The following DGKI variants were observed in gnomAD, a reference collection of about 807,000 sequenced individuals.
The protein encoded by DGKI is DAG kinase iota.
A neutral mutation model predicts 147.5 loss-of-function variants in DGKI; 55 were observed. That is an observed-to-expected ratio of 0.37 (90% CI 0.30 to 0.47). The LOEUF (loss-of-function observed/expected upper bound fraction) is 0.47, where lower values mean the gene tolerates loss of function less well. Ranked by LOEUF, DGKI falls within the 20% of genes least tolerant of loss-of-function variation. The pLI, the probability that DGKI is intolerant of heterozygous loss-of-function variation, is 1.00. For synonymous variants in DGKI, 469 were observed against 477.1 expected, an observed-to-expected ratio of 0.98 and a Z score of 0.22; for missense variants, 1,007 against 1,323.8, an observed-to-expected ratio of 0.76 and a Z score of 3.71.
chr7:137,427,318 C>T lies in DGKI; in HGVS notation c.2762-15111G>A, dbSNP rs560877867. Among the ~76,000 whole-genome samples, 670 of 152,106 alleles carry T rather than the reference C, an allele frequency of 4.4e-3. 4 individuals are homozygous for T. The highest frequency in any genetic ancestry group is 0.015 in the African/African-American group (616 of 41,492). On this transcript the variant is annotated intron_variant, in intron 28 of 32. Transcript: ENST00000614521. ...AATGACTACTGGGTACATAAGGAAA[C>T]GAAGGCAGAAATAAAGATGTTCTAT...
chr7:137,686,183 G>A (rs1823408613), intron 2 of DGKI, among the ~76,000 whole-genome samples: 1 of 152,228 alleles, frequency 6.6e-6, no homozygotes, highest in Admixed American at 6.5e-5. Context: ...ACTACCAACA[G>A]AGAGGTGTTG....
At chr7:137,635,502 C>T (rs1023029987) in intron 6 of DGKI, among the ~76,000 whole-genome samples, 8 of 152,148 alleles carry the variant, frequency 5.3e-5, no homozygotes, top group East Asian at 3.9e-4. Context: ...CAAGGGCTTA[C>T]GAAATGTGTG....
chr7:137,406,897 C>A (rs1585083372), intron 30 of DGKI, among the ~76,000 whole-genome samples: 1 of 73,812 alleles, frequency 1.4e-5, no homozygotes, highest in African/African-American at 5.4e-5. Flanking sequence ...ATGAATGAAT[C>A]AATGAATGGA....
At chr7:137,403,394 T>A (rs1811835633) in intron 30 of DGKI, among the ~76,000 whole-genome samples, 1 of 152,146 alleles carries the variant, frequency 6.6e-6, no homozygotes, top group Admixed American at 6.5e-5. Context: ...CCAGCCTGCT[T>A]TAAAAGAGCC....
At chr7:137,487,710 A>G in intron 21 of DGKI, 21 bp from the exon 22 acceptor site, 3 of 1,600,448 alleles carry the variant, frequency 1.9e-6, no homozygotes, top group Non-Finnish European at 2.6e-6. Flanking sequence ...AGGAAGAAGA[A>G]AAATCTAAAA....
intron 21 of DGKI, among the ~76,000 whole-genome samples, chr7:137,505,709 T>C (rs916055035): frequency 1.9e-5 from 2 of 102,682 alleles, no homozygotes; most frequent in African/African-American, 8.3e-5. Context: ...CCATAAGAGA[T>C]GCAAAAAAAA....
At chr7:137,438,305 G>GAAGAGTAAACACAAACATAGAAGAGTAAA (rs1813360445) in intron 28 of DGKI, among the ~76,000 whole-genome samples, 1 of 151,952 alleles carries the variant, frequency 6.6e-6, no homozygotes, top group African/African-American at 2.4e-5. Flanking sequence ...AAACACAAAT[G>GAAGAGTAAACACAAACATAGAAGAGTAAA]GCCCATAAGT....
At chr7:137,614,770 A>T (rs555811337) in intron 8 of DGKI, among the ~76,000 whole-genome samples, 1 of 152,260 alleles carries the variant, frequency 6.6e-6, no homozygotes, top group South Asian at 2.1e-4. Flanking sequence ...TATGCGGTTT[A>T]ATTCCAACTC....
chr7:137,732,092 G>A (rs940243584), intron 1 of DGKI, among the ~76,000 whole-genome samples: 6 of 152,056 alleles, frequency 3.9e-5, no homozygotes, highest in Admixed American at 3.3e-4. Context: ...CTTTGCCTAT[G>A]TGGCAATAGC....
At chr7:137,555,804 T>C (rs2692002) in intron 19 of DGKI, among the ~76,000 whole-genome samples, 16,624 of 152,152 alleles carry the variant, frequency 0.11, 2,049 homozygotes, top group African/African-American at 0.3. Flanking sequence ...AGATGTTTTA[T>C]AAGTCCGTCC....
At chr7:137,646,160 TA>T (rs1189253883) in intron 5 of DGKI, among the ~76,000 whole-genome samples, 2 of 152,216 alleles carry the variant, frequency 1.3e-5, no homozygotes, top group Non-Finnish European at 2.9e-5. Flanking sequence ...AATAGGTATG[TA>T]GTGCTTTATC....
intron 1 of DGKI, among the ~76,000 whole-genome samples, chr7:137,783,323 G>A (rs551510518): frequency 6.6e-6 from 1 of 152,214 alleles, no homozygotes; most frequent in Admixed American, 6.5e-5. Flanking sequence ...ACACAGAAAT[G>A]CAAAATGCAC....
Position 137,420,559 on chromosome 7 carries a change from G to A in DGKI, c.2762-8352C>T, listed in dbSNP as rs554657020. 3.9e-5 allele frequency among the ~76,000 whole-genome samples: 6 copies of A among 151,952 alleles called. No individual in the cohort carries two copies. In the South Asian group the frequency reaches 1.3e-3, roughly 32 times the overall value. On this transcript the variant is annotated intron_variant, in intron 28 of 32. Coordinates refer to ENST00000614521, the MANE Select transcript of DGKI (RefSeq NM_001321708.2). ...CAATGTCATCTGGTTTATGTCATGA[G>A]TATCTTGGCCTAAAAATTAAAAAGG...
intron 28 of DGKI, among the ~76,000 whole-genome samples, chr7:137,434,538 G>A (rs1023114149): frequency 2.6e-5 from 4 of 152,186 alleles, no homozygotes; most frequent in African/African-American, 9.6e-5. Context: ...CCGAGATTGT[G>A]CCACTGCACT....
At chr7:137,709,864 T>C (rs943139929) in intron 1 of DGKI, among the ~76,000 whole-genome samples, 2 of 151,808 alleles carry the variant, frequency 1.3e-5, no homozygotes, top group Non-Finnish European at 2.9e-5. Context: ...GAAGAGACCA[T>C]AAACAAATGA....
chr7:137,808,889 G>A (rs1187138876), intron 1 of DGKI, among the ~76,000 whole-genome samples: 2 of 152,188 alleles, frequency 1.3e-5, no homozygotes, highest in Non-Finnish European at 2.9e-5. Flanking sequence ...AGAGGTTCTA[G>A]CTGTGGACGT....
At chr7:137,641,774 T>C (rs1268323148) in intron 6 of DGKI, among the ~76,000 whole-genome samples, 1 of 152,242 alleles carries the variant, frequency 6.6e-6, no homozygotes, top group Non-Finnish European at 1.5e-5. Context: ...ATTTTGATTT[T>C]CAAAAAGTTA....
chr7:137,835,848 GAA>G (rs1798363435), intron 1 of DGKI, among the ~76,000 whole-genome samples: 1 of 152,320 alleles, frequency 6.6e-6, no homozygotes, highest in East Asian at 1.9e-4. Flanking sequence ...ATCCTGCAGT[GAA>G]AAGAGTATGA....
At chr7:137,395,761 G>C (rs1209615318) in intron 31 of DGKI, 64 bp from the exon 32 acceptor site, 11 of 1,497,206 alleles carry the variant, frequency 7.3e-6, no homozygotes, top group Non-Finnish European at 1.0e-5. Context: ...GAATGGGTGA[G>C]GGGAGCTGAT....
Sources: allele counts gnomAD v4.1 joint callset (sites outside exome capture counted in the v4.1 genomes callset), GRCh38; gene constraint gnomAD v4.1.1; transcripts MANE v1.5; gene names NCBI Gene and HGNC (gene_info 2026-07-23, HGNC 2026-07-21).